Variants in ZC3H12B observed in about 807,000 individuals in gnomAD.
ZC3H12B encodes probable ribonuclease ZC3H12B.
ZC3H12B carries 7 observed loss-of-function variants against 43.9 expected under a neutral mutation model. That is an observed-to-expected ratio of 0.16 (90% CI 0.09 to 0.30). ZC3H12B has a LOEUF of 0.30. Among genes scored for constraint, ZC3H12B ranks in the 10% least tolerant of loss-of-function variants. The pLI is 1.00. For missense variants in ZC3H12B, 475 were observed against 670.2 expected (o/e 0.71, Z 3.22); for synonymous variants, 222 against 241.7 (o/e 0.92, Z 0.76).
chrX:65,098,225 TACACACACACACACAC>T, the ZC3H12B span, among the ~76,000 whole-genome samples: 2 of 96,185 alleles, frequency 2.1e-5, no homozygotes, highest in Non-Finnish European at 4.2e-5. Flanking sequence ...CATGTCTTAG[TACACACACACACACAC>T]ACACACACAC....
At chrX:65,377,611 C>T (rs1307450917) in intron 2 of ZC3H12B, among the ~76,000 whole-genome samples, 3 of 110,590 alleles carry the variant, frequency 2.7e-5, no homozygotes, top group African/African-American at 9.9e-5. Flanking sequence ...AAAAGAGTGA[C>T]ATGACATACG....
the ZC3H12B span, among the ~76,000 whole-genome samples, chrX:65,142,997 C>T: frequency 1.8e-5 from 2 of 110,392 alleles, no homozygotes; most frequent in Admixed American, 1.9e-4. Flanking sequence ...TTTTTTTGTT[C>T]CATAAAAATT....
At chrX:65,385,969 C>G (rs936959548) in intron 2 of ZC3H12B, among the ~76,000 whole-genome samples, 1 of 112,173 alleles carries the variant, frequency 8.9e-6, no homozygotes, top group Non-Finnish European at 1.9e-5. Flanking sequence ...GTATGTTGAA[C>G]CAGTCTTGCA....
At chrX:65,349,317 A>G in the ZC3H12B span, among the ~76,000 whole-genome samples, 1 of 111,975 alleles carries the variant, frequency 8.9e-6, no homozygotes, top group African/African-American at 3.2e-5. Flanking sequence ...TTTGAAACCA[A>G]TGAGAACGAA....
the ZC3H12B span, among the ~76,000 whole-genome samples, chrX:65,361,579 C>T: frequency 9.0e-6 from 1 of 111,676 alleles, no homozygotes; most frequent in Non-Finnish European, 1.9e-5. Flanking sequence ...TGTGTAAAAA[C>T]ATAAAACTGC....
chrX:65,193,575 C>T, the ZC3H12B span, among the ~76,000 whole-genome samples: 1 of 111,347 alleles, frequency 9.0e-6, no homozygotes, highest in East Asian at 2.8e-4. Context: ...TTTCAGAAAA[C>T]CAACTTTTCC....
the ZC3H12B span, among the ~76,000 whole-genome samples, chrX:65,047,863 G>A: frequency 9.1e-6 from 1 of 109,956 alleles, no homozygotes; most frequent in Non-Finnish European, 1.9e-5. Flanking sequence ...GGTATATTTA[G>A]ACTAGTTTAT....
chrX:65,068,234 T>A, the ZC3H12B span, among the ~76,000 whole-genome samples: 1 of 109,900 alleles, frequency 9.1e-6, no homozygotes, highest in African/African-American at 3.3e-5. Flanking sequence ...TTACATTCAA[T>A]GTTATTACTG....
the ZC3H12B span, among the ~76,000 whole-genome samples, chrX:65,161,824 T>C: frequency 8.9e-6 from 1 of 111,914 alleles, no homozygotes. Context: ...GTTAGCTGGT[T>C]ATTTTGCTCA....
At chrX:65,495,112 C>G (rs1343391000) in intron 1 of ZC3H12B, among the ~76,000 whole-genome samples, 1 of 111,924 alleles carries the variant, frequency 8.9e-6, no homozygotes, top group African/African-American at 3.2e-5. Flanking sequence ...CATTGTTCAA[C>G]TTTTTAGGAG....
intron 3 of ZC3H12B, among the ~76,000 whole-genome samples, chrX:65,437,101 C>T (rs2067230730): frequency 9.1e-6 from 1 of 110,270 alleles, no homozygotes; most frequent in African/African-American, 3.3e-5. Context: ...TACAGGTGTG[C>T]ACCACCACGC....
At chrX:65,306,851 T>A in the ZC3H12B span, among the ~76,000 whole-genome samples, 1 of 112,399 alleles carries the variant, frequency 8.9e-6, no homozygotes, top group Non-Finnish European at 1.9e-5. Context: ...TAAAAAGGAA[T>A]TACTATTGAT....
At chrX:65,116,180 A>G in the ZC3H12B span, among the ~76,000 whole-genome samples, 2,251 of 111,645 alleles carry the variant, frequency 0.02, 60 homozygotes, top group African/African-American at 0.071. Flanking sequence ...TTACAGTTTC[A>G]GGTCTTAGAT....
chrX:65,284,918 C>G, the ZC3H12B span, among the ~76,000 whole-genome samples: 4 of 111,299 alleles, frequency 3.6e-5, no homozygotes, highest in Non-Finnish European at 7.6e-5. Context: ...ACTTGAAGGT[C>G]TTTTGAAATA....
chrX:65,085,513 C>T, the ZC3H12B span, among the ~76,000 whole-genome samples: 229 of 111,258 alleles, frequency 2.1e-3, 1 homozygote, highest in African/African-American at 7.1e-3. Flanking sequence ...ATGGCTCACA[C>T]CTATATTACC....
the ZC3H12B span, among the ~76,000 whole-genome samples, chrX:65,205,434 A>T: frequency 8.9e-6 from 1 of 111,975 alleles, no homozygotes; most frequent in African/African-American, 3.2e-5. Flanking sequence ...AAATCTCATG[A>T]TCATCTCAAT....
intron 4 of ZC3H12B, among the ~76,000 whole-genome samples, chrX:65,501,135 G>A (rs1180810461): frequency 9.0e-6 from 1 of 110,856 alleles, no homozygotes; most frequent in Non-Finnish European, 1.9e-5. Context: ...TGTGCTCTTT[G>A]CATTGCACTA....
chrX:65,491,534 C>A (rs1388246702), intron 1 of ZC3H12B, among the ~76,000 whole-genome samples: 1 of 109,273 alleles, frequency 9.2e-6, no homozygotes, highest in African/African-American at 3.3e-5. Context: ...TGGCAAAACC[C>A]TGTCTCTACT....
intron 3 of ZC3H12B, among the ~76,000 whole-genome samples, chrX:65,437,200 C>T (rs1018923820): frequency 2.7e-5 from 3 of 111,204 alleles, no homozygotes; most frequent in Non-Finnish European, 3.8e-5. Context: ...GATCCACCGG[C>T]CTCGGCCTCC....
Sources: allele counts gnomAD v4.1 joint callset (sites outside exome capture counted in the v4.1 genomes callset), GRCh38; gene constraint gnomAD v4.1.1; transcripts MANE v1.5; gene names NCBI Gene and HGNC (gene_info 2026-07-23, HGNC 2026-07-21).